The following RAPGEF6 variants were observed in gnomAD, a reference collection of about 807,000 sequenced individuals.
RAPGEF6 encodes PDZ domain containing guanine nucleotide exchange factor (GEF) 2.
In RAPGEF6, 56 loss-of-function variants were observed where a neutral mutation model predicts 171.4. That is an observed-to-expected ratio of 0.33 (90% CI 0.26 to 0.41). The LOEUF (loss-of-function observed/expected upper bound fraction) is 0.41, where lower values mean the gene tolerates loss of function less well. RAPGEF6 is among the 10% of genes least tolerant of loss of function. The pLI is 1.00. For missense variants in RAPGEF6, 1,674 were observed against 1,921.4 expected (o/e 0.87, Z 2.41); for synonymous variants, 692 against 650.1 (o/e 1.06, Z -0.98).
intron 19 of RAPGEF6, among the ~76,000 whole-genome samples, chr5:131,456,823 A>T (rs1015650509): frequency 9.9e-5 from 15 of 152,216 alleles, no homozygotes; most frequent in African/African-American, 3.6e-4. Context: ...TGCTTCTCAG[A>T]AATTTCCCCA....
chr5:131,561,586 G>A (rs1459487379), intron 5 of RAPGEF6, among the ~76,000 whole-genome samples: 1 of 149,766 alleles, frequency 6.7e-6, no homozygotes, highest in Non-Finnish European at 1.5e-5. Context: ...CTTAAACCTA[G>A]GAGGCGGAGG....
chr5:131,515,471 G>A (rs1019725235), intron 7 of RAPGEF6, among the ~76,000 whole-genome samples: 2 of 152,090 alleles, frequency 1.3e-5, no homozygotes, highest in African/African-American at 4.8e-5. Context: ...ATAATTCAGT[G>A]CAAAAAAAGA....
chr5:131,521,895 T>A (rs35235485), intron 6 of RAPGEF6, among the ~76,000 whole-genome samples: 40,213 of 107,240 alleles, frequency 0.37, 6,843 homozygotes, highest in South Asian at 0.47. Context: ...ACACACACTC[T>A]CTCTCTCTCT....
At chr5:131,634,854 T>C in intron 1 of RAPGEF6, 108 bp downstream of exon 1, 1 of 1,249,154 alleles carries the variant, frequency 8.0e-7, no homozygotes. Flanking sequence ...AGATTCCCAG[T>C]AGCAGGTGCG....
At chr5:131,455,683 TA>T in intron 20 of RAPGEF6, 117 bp downstream of exon 20, 1 of 805,406 alleles carries the variant, frequency 1.2e-6, no homozygotes, top group Non-Finnish European at 2.0e-6. Context: ...AGAAAAATGG[TA>T]AAATAGTGTA....
chr5:131,524,401 G>A (rs1241335374), intron 6 of RAPGEF6, among the ~76,000 whole-genome samples: 3 of 152,136 alleles, frequency 2.0e-5, no homozygotes, highest in Non-Finnish European at 4.4e-5. Flanking sequence ...GATAGGTGAA[G>A]AATGTGTTTT....
intron 9 of RAPGEF6, among the ~76,000 whole-genome samples, chr5:131,506,751 A>T (rs1757396531): frequency 6.6e-6 from 1 of 152,170 alleles, no homozygotes; most frequent in Admixed American, 6.5e-5. Context: ...CATACAACAA[A>T]TTTTTGCTGA....
chr5:131,634,673 C>A (rs1268340488), intron 1 of RAPGEF6, among the ~76,000 whole-genome samples: 1 of 152,210 alleles, frequency 6.6e-6, no homozygotes, highest in Non-Finnish European at 1.5e-5. Context: ...AACTGCGAAA[C>A]TCATATTACC....
chr5:131,581,600 G>C (rs1204391440), intron 4 of RAPGEF6, among the ~76,000 whole-genome samples: 1 of 151,900 alleles, frequency 6.6e-6, no homozygotes, highest in Non-Finnish European at 1.5e-5. Flanking sequence ...AAGCAGCCCT[G>C]AGAAACCTCA....
chr5:131,444,035 G>T (rs1293939536), intron 22 of RAPGEF6, among the ~76,000 whole-genome samples: 1 of 152,136 alleles, frequency 6.6e-6, no homozygotes, highest in African/African-American at 2.4e-5. Flanking sequence ...CTTCCATCAG[G>T]GAGTACTTTT....
chr5:131,439,435 C>A, intron 24 of RAPGEF6, 146 bp downstream of exon 24: 1 of 1,354,942 alleles, frequency 7.4e-7, no homozygotes, highest in Non-Finnish European at 9.7e-7. Context: ...CTGAATAATG[C>A]AATACAAAAC....
chr5:131,548,670 C>T (rs1677376932), intron 5 of RAPGEF6, among the ~76,000 whole-genome samples: 1 of 152,094 alleles, frequency 6.6e-6, no homozygotes, highest in African/African-American at 2.4e-5. Context: ...CTGGCATCTT[C>T]TAAGTAAGAA....
chr5:131,461,605 T>G, intron 19 of RAPGEF6, 100 bp downstream of exon 19: 1 of 1,162,178 alleles, frequency 8.6e-7, no homozygotes, highest in Non-Finnish European at 1.2e-6. Flanking sequence ...GCATATTAAT[T>G]GAACATTTCT....
At chr5:131,531,647 T>C (rs548380917) in intron 6 of RAPGEF6, among the ~76,000 whole-genome samples, 1 of 152,348 alleles carries the variant, frequency 6.6e-6, no homozygotes, top group Admixed American at 6.5e-5. Flanking sequence ...AATTATCAAC[T>C]AATCTTTGTA....
Position 131,505,598 on chromosome 5 carries a change from C to A in RAPGEF6, c.943-76G>T, listed in dbSNP as rs1580933504. The A allele has an allele frequency of 8.6e-6, 11 of 1,284,090 alleles. No individual in the cohort carries two copies. In the East Asian group the frequency reaches 2.7e-4, roughly 32 times the overall value. 79.5% of individuals were successfully genotyped at this position (1,284,090 alleles called of 1,614,324 possible). A position where few individuals can be genotyped will look rare whatever the true frequency, so the allele number is the denominator to read the frequency against. On this transcript the variant is annotated intron_variant, in intron 9 of 27. Coordinates refer to ENST00000509018, the MANE Select transcript of RAPGEF6 (RefSeq NM_016340.6). Reference sequence around the variant, plus strand: ...ATGTTAACTTTGAAAAAGAATCTATCAATATATATAACTTGAATAAAAAGG... The same window carrying A: ...ATGTTAACTTTGAAAAAGAATCTATAAATATATATAACTTGAATAAAAAGG...
chr5:131,606,477 C>A (rs1028517689), intron 1 of RAPGEF6, among the ~76,000 whole-genome samples: 8 of 151,304 alleles, frequency 5.3e-5, no homozygotes, highest in African/African-American at 1.9e-4. Flanking sequence ...ACTAAAGTAA[C>A]AGTGAAAAAG....
At chr5:131,471,592 G>C (rs987689791) in intron 17 of RAPGEF6, among the ~76,000 whole-genome samples, 3 of 152,068 alleles carry the variant, frequency 2.0e-5, no homozygotes, top group African/African-American at 7.2e-5. Context: ...ATGTTTCAGT[G>C]CTTAATTGTA....
Position 131,424,488 on chromosome 5 carries a change from T to C in RAPGEF6, c.*2778A>G, listed in dbSNP as rs1012239170. 6.6e-6 allele frequency: 1 copy of C among 152,330 alleles called. No homozygotes were observed. The highest frequency in any genetic ancestry group is 1.9e-4 in the East Asian group (1 of 5,338). 9.4% of individuals were successfully genotyped at this position (152,330 alleles called of 1,614,324 possible). A position where few individuals can be genotyped will look rare whatever the true frequency, so the allele number is the denominator to read the frequency against. Reference sequence around the variant, plus strand: ...TTTTAAGGAAGCTTTTTCTCCTCCTTCCTTTTTTGTAGAGGAAAGAACACT... The same window carrying C: ...TTTTAAGGAAGCTTTTTCTCCTCCTCCCTTTTTTGTAGAGGAAAGAACACT... On this transcript the variant is annotated 3_prime_UTR_variant, in exon 28 of 28. Transcript: ENST00000509018.
chr5:131,482,493 T>C (rs113550652), intron 15 of RAPGEF6, among the ~76,000 whole-genome samples: 1,656 of 152,206 alleles, frequency 0.011, 35 homozygotes, highest in African/African-American at 0.038. Flanking sequence ...TGTAGAGATG[T>C]GGTCTCACTA....
Sources: allele counts gnomAD v4.1 joint callset (sites outside exome capture counted in the v4.1 genomes callset), GRCh38; gene constraint gnomAD v4.1.1; transcripts MANE v1.5; gene names NCBI Gene and HGNC (gene_info 2026-07-23, HGNC 2026-07-21).